Variants in FBXL17 observed in about 807,000 individuals in gnomAD.
FBXL17 encodes F-box and leucine rich repeat protein 17, also known as F-box/LRR-repeat protein 17.
In FBXL17, 22 loss-of-function variants were observed where a neutral mutation model predicts 66.2. The ratio of observed to expected loss-of-function variants is 0.33; its 90% CI spans 0.24 to 0.47. The LOEUF (loss-of-function observed/expected upper bound fraction) is 0.47, where lower values mean the gene tolerates loss of function less well. Among genes scored for constraint, FBXL17 ranks in the 20% least tolerant of loss-of-function variants. The pLI, the probability that FBXL17 is intolerant of heterozygous loss-of-function variation, is 1.00. For missense variants in FBXL17, 878 were observed against 948.2 expected, an observed-to-expected ratio of 0.93 and a Z score of 0.97; for synonymous variants, 474 against 400.5, an observed-to-expected ratio of 1.18 and a Z score of -2.19.
intron 4 of FBXL17, among the ~76,000 whole-genome samples, chr5:108,274,331 T>C (rs1348185625): frequency 2.0e-5 from 3 of 152,226 alleles, no homozygotes; most frequent in Admixed American, 6.5e-5. Context: ...ATTCTCTTTC[T>C]CAGGGATGTT....
chr5:107,964,464 T>C (rs887646919), intron 7 of FBXL17, among the ~76,000 whole-genome samples: 2 of 152,038 alleles, frequency 1.3e-5, no homozygotes, highest in African/African-American at 4.8e-5. Flanking sequence ...GTAATACAAA[T>C]ATAAAATGTA....
chr5:107,925,756 T>TC (rs1343407668), intron 7 of FBXL17, among the ~76,000 whole-genome samples: 1 of 152,148 alleles, frequency 6.6e-6, no homozygotes, highest in African/African-American at 2.4e-5. Context: ...TCTTCCTTCA[T>TC]CCCCATTCCC....
intron 5 of FBXL17, among the ~76,000 whole-genome samples, chr5:108,188,353 C>T (rs773003608): frequency 1.8e-4 from 27 of 152,160 alleles, no homozygotes; most frequent in African/African-American, 6.5e-4. Flanking sequence ...GTGTATGTAC[C>T]AGCTTCTTCT....
chr5:108,369,686 G>A (rs1428244992), intron 1 of FBXL17, among the ~76,000 whole-genome samples: 1 of 151,656 alleles, frequency 6.6e-6, no homozygotes, highest in Non-Finnish European at 1.5e-5. Context: ...ATAAAAAGAT[G>A]GTTAGGGTCA....
chr5:108,290,337 G>C (rs1258933105), intron 4 of FBXL17, among the ~76,000 whole-genome samples: 1 of 152,126 alleles, frequency 6.6e-6, no homozygotes, highest in Non-Finnish European at 1.5e-5. Context: ...AGAGGAGTTA[G>C]GAAGCAAGAC....
chr5:108,120,842 G>T (rs1391267045), intron 6 of FBXL17, among the ~76,000 whole-genome samples: 1 of 152,076 alleles, frequency 6.6e-6, no homozygotes, highest in Non-Finnish European at 1.5e-5. Flanking sequence ...TATCCTTAGT[G>T]CCTAGAATAG....
In FBXL17 at chr5:107,913,973, GT is replaced by G. The variant is rs34578987; in HGVS notation, c.1823-32795del. ...AAAGACTTTAGGTTTCATTTTATGA[GT>G]TTTTTTTTTTTTAACAGGAGGCACT... On this transcript the variant is annotated intron_variant, in intron 7 of 8. Transcript: ENST00000542267. 7.6e-3 allele frequency among the ~76,000 whole-genome samples: 1,118 copies of G among 146,704 alleles called. 15 individuals are homozygous for G. The highest frequency in any genetic ancestry group is 0.023 in the African/African-American group (904 of 39,926).
chr5:108,067,591 G>A (rs286750), intron 6 of FBXL17, among the ~76,000 whole-genome samples: 35,425 of 151,984 alleles, frequency 0.23, 4,858 homozygotes, highest in South Asian at 0.45. Flanking sequence ...TCACATGGTC[G>A]TTTGTGTTTG....
At chr5:108,355,175 T>C (rs186221104) in intron 3 of FBXL17, among the ~76,000 whole-genome samples, 63 of 152,060 alleles carry the variant, frequency 4.1e-4, no homozygotes, top group African/African-American at 1.4e-3. Context: ...TTCAAAATAA[T>C]AATGATGTAT....
At chr5:108,260,977 A>G (rs1756794675) in intron 4 of FBXL17, among the ~76,000 whole-genome samples, 1 of 152,198 alleles carries the variant, frequency 6.6e-6, no homozygotes, top group Non-Finnish European at 1.5e-5. Flanking sequence ...CAAAATAAAC[A>G]TGATATAGCT....
intron 7 of FBXL17, among the ~76,000 whole-genome samples, chr5:107,911,226 T>C (rs1201655838): frequency 2.0e-5 from 3 of 152,064 alleles, no homozygotes; most frequent in Non-Finnish European, 4.4e-5. Context: ...AGGAACAGAC[T>C]TGTGGATATA....
intron 6 of FBXL17, among the ~76,000 whole-genome samples, chr5:108,029,500 T>C (rs897877500): frequency 6.6e-6 from 1 of 152,148 alleles, no homozygotes; most frequent in African/African-American, 2.4e-5. Flanking sequence ...ATTTTTCCCA[T>C]ATAATTGCAC....
At chr5:108,113,192 T>C (rs1750106837) in intron 6 of FBXL17, among the ~76,000 whole-genome samples, 1 of 152,120 alleles carries the variant, frequency 6.6e-6, no homozygotes, top group Non-Finnish European at 1.5e-5. Context: ...GAGACATGCA[T>C]TCCCATCTGA....
At chr5:108,181,822 G>T (rs543556467) in intron 6 of FBXL17, among the ~76,000 whole-genome samples, 1 of 152,072 alleles carries the variant, frequency 6.6e-6, no homozygotes, top group Non-Finnish European at 1.5e-5. Flanking sequence ...AATGTCAATC[G>T]TATGTGAATC....
At chr5:108,263,121 C>A (rs768625508) in intron 4 of FBXL17, among the ~76,000 whole-genome samples, 24 of 152,286 alleles carry the variant, frequency 1.6e-4, no homozygotes, top group Non-Finnish European at 3.1e-4. Context: ...TCTTGCTACA[C>A]CAACTCCCCA....
At chr5:108,230,765 T>G (rs1580658053) in intron 4 of FBXL17, among the ~76,000 whole-genome samples, 1 of 130,052 alleles carries the variant, frequency 7.7e-6, no homozygotes, top group Admixed American at 8.2e-5. Flanking sequence ...GGCATAAGAA[T>G]GATAGAATGG....
chr5:107,969,014 A>G (rs1346792911), intron 7 of FBXL17, among the ~76,000 whole-genome samples: 1 of 152,148 alleles, frequency 6.6e-6, no homozygotes, highest in Non-Finnish European at 1.5e-5. Context: ...CACAGCCTGC[A>G]GGCCAAATTC....
At chr5:107,949,357 A>G (rs1407719377) in intron 7 of FBXL17, among the ~76,000 whole-genome samples, 1 of 152,182 alleles carries the variant, frequency 6.6e-6, no homozygotes, top group Non-Finnish European at 1.5e-5. Context: ...GGGGCCTGCA[A>G]AGAATGTTAT....
chr5:108,017,713 G>A (rs1754438415), intron 7 of FBXL17, among the ~76,000 whole-genome samples: 1 of 152,126 alleles, frequency 6.6e-6, no homozygotes, highest in African/African-American at 2.4e-5. Context: ...TTTGTTCAGT[G>A]ATAAAGGAAT....
Sources: gnomAD v4.1 joint callset for allele counts (sites outside exome capture counted in the v4.1 genomes callset) on GRCh38, gnomAD v4.1.1 for gene constraint, MANE v1.5 for transcripts, NCBI Gene and HGNC (gene_info 2026-07-23, HGNC 2026-07-21) for gene names.